The following TJP1 variants were observed in gnomAD, a reference collection of about 807,000 sequenced individuals.
TJP1 encodes the protein tight junction protein 1.
TJP1 carries 43 observed loss-of-function variants against 194.2 expected under a neutral mutation model. The ratio of observed to expected loss-of-function variants is 0.22; its 90% CI spans 0.17 to 0.29. The LOEUF is 0.29. TJP1 is among the 10% of genes least tolerant of loss of function. TJP1 has a pLI of 1.00. For missense variants in TJP1, 1,971 were observed against 2,185.7 expected (o/e 0.90, Z 1.96); for synonymous variants, 801 against 779.0 (o/e 1.03, Z -0.47).
At chr15:29,776,216 C>A (rs1045282923) in intron 2 of TJP1, among the ~76,000 whole-genome samples, 1 of 152,054 alleles carries the variant, frequency 6.6e-6, no homozygotes, top group African/African-American at 2.4e-5. Context: ...TCCAGGAATG[C>A]AGGATTAGTA....
chr15:29,938,271 A>C (rs545227331), intron 2 of TJP1, among the ~76,000 whole-genome samples: 40 of 152,380 alleles, frequency 2.6e-4, no homozygotes, highest in African/African-American at 7.9e-4. Flanking sequence ...GGAAAAAGAT[A>C]AAAACATTTT....
chr15:29,874,682 A>T (rs1180398316), intron 2 of TJP1, among the ~76,000 whole-genome samples: 3 of 152,214 alleles, frequency 2.0e-5, no homozygotes, highest in African/African-American at 7.2e-5. Flanking sequence ...ATTTTAAAAA[A>T]ATTTAGAAAT....
chr15:29,884,502 T>C (rs181478834), intron 2 of TJP1, among the ~76,000 whole-genome samples: 2 of 152,324 alleles, frequency 1.3e-5, no homozygotes, highest in Non-Finnish European at 2.9e-5. Flanking sequence ...TTGTCCAAGA[T>C]AGAGTAGCAG....
chr15:29,753,689 G>A (rs1285049131), intron 8 of TJP1, among the ~76,000 whole-genome samples: 1 of 151,862 alleles, frequency 6.6e-6, no homozygotes, highest in Non-Finnish European at 1.5e-5. Context: ...ATGCACATTG[G>A]TCACGGTGTA....
intron 2 of TJP1, among the ~76,000 whole-genome samples, chr15:29,857,307 A>G (rs531576178): frequency 6.6e-6 from 1 of 150,916 alleles, no homozygotes; most frequent in African/African-American, 2.4e-5. Flanking sequence ...TTTTTTTTTA[A>G]GGATGTTTCT....
chr15:29,915,195 A>G (rs1429924272), intron 2 of TJP1, among the ~76,000 whole-genome samples: 1 of 152,238 alleles, frequency 6.6e-6, no homozygotes, highest in Non-Finnish European at 1.5e-5. Flanking sequence ...ACAGAAAAAC[A>G]AAGATGTGGA....
At chr15:29,950,179 C>CACCACCACAACCACT (rs796772735) in intron 2 of TJP1, among the ~76,000 whole-genome samples, 1 of 122,190 alleles carries the variant, frequency 8.2e-6, no homozygotes, top group African/African-American at 2.9e-5. Context: ...CCACTACCTC[C>CACCACCACAACCACT]ACCTCCACCA....
intron 2 of TJP1, among the ~76,000 whole-genome samples, chr15:29,911,987 A>T (rs561760462): frequency 1.3e-5 from 2 of 152,218 alleles, no homozygotes; most frequent in Non-Finnish European, 2.9e-5. Flanking sequence ...CTGGGCTGCT[A>T]TAACAAGATA....
chr15:29,846,701 G>A (rs574636927), intron 2 of TJP1, among the ~76,000 whole-genome samples: 9 of 152,102 alleles, frequency 5.9e-5, no homozygotes, highest in East Asian at 5.8e-4. Flanking sequence ...CGAGGCGGGC[G>A]GATCACGAGG....
chr15:29,704,386 A>C, intron 26 of TJP1, 81 bp from the exon 27 acceptor site: 1 of 1,489,668 alleles, frequency 6.7e-7, no homozygotes, highest in Non-Finnish European at 9.1e-7. Context: ...CCCTGCTTCT[A>C]ATTATATGCT....
intron 22 of TJP1, among the ~76,000 whole-genome samples, 169 bp from the exon 23 acceptor site, chr15:29,717,007 T>C (rs1482755869): frequency 1.3e-5 from 2 of 152,222 alleles, no homozygotes; most frequent in Non-Finnish European, 2.9e-5. Context: ...AAATCCCATG[T>C]CCTCACAGAG....
intron 2 of TJP1, among the ~76,000 whole-genome samples, chr15:29,774,410 G>A (rs922023455): frequency 4.6e-5 from 7 of 152,122 alleles, no homozygotes; most frequent in African/African-American, 1.7e-4. Flanking sequence ...TCCATACAAT[G>A]AAACATTGTG....
At chr15:29,745,790 G>C (rs773727397) in intron 8 of TJP1, among the ~76,000 whole-genome samples, 11 of 152,158 alleles carry the variant, frequency 7.2e-5, no homozygotes, top group Non-Finnish European at 1.6e-4. Flanking sequence ...CTTATCAAAA[G>C]AATAAACTGG....
chr15:29,770,607 G>A (rs538768781), intron 4 of TJP1, among the ~76,000 whole-genome samples: 106 of 151,542 alleles, frequency 7.0e-4, no homozygotes, highest in African/African-American at 2.4e-3. Context: ...AGCTACTCGG[G>A]ACGCTGAGCT....
intron 2 of TJP1, among the ~76,000 whole-genome samples, chr15:29,910,772 T>G (rs1256492342): frequency 6.6e-6 from 1 of 152,134 alleles, no homozygotes; most frequent in African/African-American, 2.4e-5. Context: ...CTCCTAAAAA[T>G]AACACGCTAC....
intron 18 of TJP1, among the ~76,000 whole-genome samples, chr15:29,721,765 G>C (rs1317819804): frequency 6.6e-6 from 1 of 152,210 alleles, no homozygotes; most frequent in Non-Finnish European, 1.5e-5. Flanking sequence ...TAGTGATATG[G>C]ACAATAAAGT....
intron 2 of TJP1, among the ~76,000 whole-genome samples, chr15:29,949,303 C>A (rs1408521363): frequency 1.1e-4 from 14 of 131,658 alleles, no homozygotes; most frequent in Non-Finnish European, 1.8e-4. Flanking sequence ...CCTCCACCAC[C>A]ACCACCTCCA....
intron 1 of TJP1, chr15:29,968,538 G>C (rs907296681): frequency 9.9e-6 from 8 of 807,824 alleles, no homozygotes; most frequent in Non-Finnish European, 1.2e-5. Context: ...CCCGCGTCCC[G>C]TCGGGCCCGA....
chr15:29,733,373 A>G (rs1183673017), intron 12 of TJP1, 60 bp from the exon 13 acceptor site: 1 of 1,163,778 alleles, frequency 8.6e-7, no homozygotes. Context: ...TCTGAAAGAC[A>G]GTACATTATG....
Sources: allele counts gnomAD v4.1 joint callset (sites outside exome capture counted in the v4.1 genomes callset), GRCh38; gene constraint gnomAD v4.1.1; transcripts MANE v1.5; gene names NCBI Gene and HGNC (gene_info 2026-07-23, HGNC 2026-07-21).